Variants in FGF12 observed in about 807,000 individuals in gnomAD.
FGF12 encodes fibroblast growth factor 12, also known as fibroblast growth factor 12B.
Under a neutral mutation model 23.6 loss-of-function variants are expected in FGF12, and 14 were observed. The observed-to-expected ratio is 0.59, with a 90% confidence interval of 0.39 to 0.93. FGF12 has a LOEUF of 0.93. FGF12 is among the 40% of genes least tolerant of loss of function. The pLI, the probability that FGF12 is intolerant of heterozygous loss-of-function variation, is 0.00. For synonymous variants in FGF12, 62 were observed against 77.3 expected (o/e 0.80, Z 1.04); for missense variants, 175 against 217.8 (o/e 0.80, Z 1.24).
chr3:192,637,152 C>T (rs1013146566), intron 2 of FGF12, among the ~76,000 whole-genome samples: 3 of 152,150 alleles, frequency 2.0e-5, no homozygotes, highest in South Asian at 4.2e-4. Flanking sequence ...GGAAATCTTG[C>T]GGAATGCTGA....
chr3:192,398,363 G>A (rs1720613673), intron 2 of FGF12, among the ~76,000 whole-genome samples: 1 of 150,170 alleles, frequency 6.7e-6, no homozygotes, highest in Admixed American at 6.7e-5. Context: ...TCAGGCTAAA[G>A]AGGCCCTTAT....
chr3:192,172,508 C>A lies in FGF12; in HGVS notation c.229-1852G>T, dbSNP rs764053722. On this transcript the variant is annotated intron_variant, in intron 4 of 5. Transcript: ENST00000445105. ...AATTAATATTATGTTTATATTAATA[C>A]TGAAATATGATTTCTTAGAGTACTT... is the stretch of plus-strand genomic sequence containing the variant. 1.3e-5 allele frequency among the ~76,000 whole-genome samples: 2 copies of A among 150,750 alleles called. 1 individual carries two copies. Among genetic ancestry groups the A allele is most frequent in the Non-Finnish European group, 3.0e-5 (2 of 67,584 alleles).
At chr3:192,694,968 G>A (rs1718067450) in intron 2 of FGF12, among the ~76,000 whole-genome samples, 2 of 151,894 alleles carry the variant, frequency 1.3e-5, no homozygotes, top group Non-Finnish European at 2.9e-5. Flanking sequence ...GGACTACTGT[G>A]AATAATATTT....
intron 5 of FGF12, among the ~76,000 whole-genome samples, chr3:192,148,275 A>C (rs1485995041): frequency 6.6e-6 from 1 of 152,246 alleles, no homozygotes; most frequent in African/African-American, 2.4e-5. Context: ...AATATTATTC[A>C]GCCTAAAAAA....
At chr3:192,380,417 T>A (rs1042456827) in intron 2 of FGF12, among the ~76,000 whole-genome samples, 4 of 152,190 alleles carry the variant, frequency 2.6e-5, no homozygotes, top group Non-Finnish European at 5.9e-5. Context: ...CCTTACCAAC[T>A]TTCATTTGCC....
At chr3:192,275,873 C>G (rs999240602) in intron 4 of FGF12, among the ~76,000 whole-genome samples, 8 of 152,112 alleles carry the variant, frequency 5.3e-5, no homozygotes, top group African/African-American at 1.9e-4. Flanking sequence ...CTCCACATTC[C>G]AACCTCCCAG....
intron 4 of FGF12, among the ~76,000 whole-genome samples, chr3:192,281,344 C>T (rs1348795061): frequency 1.3e-5 from 2 of 152,128 alleles, no homozygotes; most frequent in Middle Eastern, 3.2e-3. Context: ...CTGTGTATCT[C>T]TGCATCTCTC....
chr3:192,560,243 A>G (rs373772499), intron 2 of FGF12, among the ~76,000 whole-genome samples: 14 of 152,116 alleles, frequency 9.2e-5, no homozygotes, highest in African/African-American at 3.1e-4. Context: ...TCTTAGAAAT[A>G]TATGAGATTC....
intron 2 of FGF12, among the ~76,000 whole-genome samples, chr3:192,445,488 C>T (rs1722326345): frequency 6.6e-6 from 1 of 152,194 alleles, no homozygotes; most frequent in Admixed American, 6.5e-5. Context: ...ATCTAGAAAG[C>T]TTTCCCAATT....
intron 2 of FGF12, among the ~76,000 whole-genome samples, chr3:192,707,530 G>C (rs1395944268): frequency 5.9e-5 from 9 of 151,846 alleles, no homozygotes; most frequent in African/African-American, 2.2e-4. Context: ...AATGAATCAC[G>C]AGGTCAGGAG....
intron 4 of FGF12, among the ~76,000 whole-genome samples, chr3:192,180,097 A>G (rs920434438): frequency 6.6e-6 from 1 of 152,174 alleles, no homozygotes; most frequent in African/African-American, 2.4e-5. Flanking sequence ...TCATCTATAT[A>G]TAGAGAACAC....
chr3:192,502,131 G>A (rs1417965731), intron 2 of FGF12, among the ~76,000 whole-genome samples: 1 of 152,158 alleles, frequency 6.6e-6, no homozygotes, highest in African/African-American at 2.4e-5. Context: ...TTTGTTTTGA[G>A]AGGGACTGCC....
chr3:192,597,660 G>A (rs1001552946), intron 2 of FGF12, among the ~76,000 whole-genome samples: 2 of 152,102 alleles, frequency 1.3e-5, no homozygotes, highest in Admixed American at 6.5e-5. Context: ...GACTGAGAAA[G>A]AGAAGAAAAG....
intron 2 of FGF12, among the ~76,000 whole-genome samples, chr3:192,597,076 C>T (rs13062842): frequency 0.18 from 27,096 of 151,974 alleles, 2,498 homozygotes; most frequent in African/African-American, 0.24. Flanking sequence ...ATAAGGATTA[C>T]GCAAAAATAT....
intron 2 of FGF12, among the ~76,000 whole-genome samples, chr3:192,432,577 G>A (rs1341445642): frequency 3.4e-5 from 5 of 147,158 alleles, no homozygotes; most frequent in African/African-American, 5.1e-5. Flanking sequence ...AGGGCCATGG[G>A]GCAAGGTCCT....
chr3:192,154,664 T>C (rs370881983), intron 5 of FGF12, among the ~76,000 whole-genome samples: 11 of 143,332 alleles, frequency 7.7e-5, no homozygotes, highest in African/African-American at 2.8e-4. Context: ...GGAGGTAGTC[T>C]GCCCGTTCTC....
chr3:192,458,386 C>T (rs1182489108), intron 2 of FGF12, among the ~76,000 whole-genome samples: 1 of 152,184 alleles, frequency 6.6e-6, no homozygotes, highest in Non-Finnish European at 1.5e-5. Context: ...GGGGACTGTA[C>T]CCTGCAAAGT....
intron 2 of FGF12, among the ~76,000 whole-genome samples, chr3:192,687,060 A>C (rs1207560608): frequency 6.7e-6 from 1 of 150,302 alleles, no homozygotes; most frequent in Non-Finnish European, 1.5e-5. Flanking sequence ...CCATCTCCTG[A>C]CCTCGTGATC....
chr3:192,197,654 C>T (rs1417386937), intron 4 of FGF12, among the ~76,000 whole-genome samples: 1 of 152,130 alleles, frequency 6.6e-6, no homozygotes, highest in Non-Finnish European at 1.5e-5. Flanking sequence ...TTTACAAAGC[C>T]CTCCTGGGGG....
Sources: allele counts gnomAD v4.1 joint callset (sites outside exome capture counted in the v4.1 genomes callset), GRCh38; gene constraint gnomAD v4.1.1; transcripts MANE v1.5; gene names NCBI Gene and HGNC (gene_info 2026-07-23, HGNC 2026-07-21).